The following MGAM variants were observed in gnomAD, a reference collection of about 807,000 sequenced individuals.
MGAM encodes the protein maltase-glucoamylase.
In MGAM, 253 loss-of-function variants were observed where a neutral mutation model predicts 358.8. That is an observed-to-expected ratio of 0.71 (90% confidence interval 0.64 to 0.78). The LOEUF is 0.78. Among genes scored for constraint, MGAM ranks in the 30% least tolerant of loss-of-function variants. The pLI is 0.00. For synonymous variants in MGAM, 1,105 were observed against 1,227.1 expected, an observed-to-expected ratio of 0.90 and a Z score of 2.08; for missense variants, 3,080 against 3,432.6, an observed-to-expected ratio of 0.90 and a Z score of 2.57.
chr7:141,989,444 C>A (rs988313893), intron 2 of MGAM, among the ~76,000 whole-genome samples: 1 of 152,074 alleles, frequency 6.6e-6, no homozygotes, highest in Non-Finnish European at 1.5e-5. Flanking sequence ...GATAAGGCAA[C>A]TGAGCTTCAG....
At chr7:142,011,318 G>T (rs1414201003) in intron 3 of MGAM, among the ~76,000 whole-genome samples, 2 of 152,120 alleles carry the variant, frequency 1.3e-5, no homozygotes, top group African/African-American at 4.8e-5. Flanking sequence ...ATATGTTGGG[G>T]ATCATGTTTT....
intron 66 of MGAM, 73 bp downstream of exon 66, chr7:142,097,722 T>G: frequency 6.8e-7 from 1 of 1,462,448 alleles, no homozygotes. Flanking sequence ...CTGATAGACC[T>G]TAGGTCAAAT....
intron 7 of MGAM, among the ~76,000 whole-genome samples, chr7:142,023,054 T>C (rs1806610744): frequency 6.6e-6 from 1 of 152,148 alleles, no homozygotes; most frequent in South Asian, 2.1e-4. Flanking sequence ...GGCCTTTCTT[T>C]TTCTTTTCTT....
intron 8 of MGAM, 107 bp from the exon 9 acceptor site, chr7:142,027,008 C>T (rs375274541): frequency 2.4e-6 from 2 of 842,540 alleles, no homozygotes; most frequent in South Asian, 1.6e-5. Context: ...ACTAGGGTCA[C>T]CTTGTTAATG....
intron 1 of MGAM, among the ~76,000 whole-genome samples, chr7:141,997,208 G>A (rs1225321288): frequency 6.6e-6 from 1 of 152,184 alleles, no homozygotes; most frequent in Non-Finnish European, 1.5e-5. Flanking sequence ...GATCTGATCA[G>A]TGGCTTTGCT....
rs369037625 is a variant in MGAM at position 142,065,334 on chromosome 7, G to A, written c.4485-1G>A. ...TTCACCTCCTGTTCCCTTCCAAGCA[G>A]AGCCGTGCAGGAGGTGACGGGACAG... is the stretch of plus-strand genomic sequence containing the variant. On this transcript the variant is annotated splice_acceptor_variant, in intron 37 of 70. Transcript: ENST00000475668. LOFTEE classifies it high-confidence loss of function. 10 of 1,608,074 alleles carry A rather than the reference G, an allele frequency of 6.2e-6. No individual in the cohort carries two copies. The African/African-American group carries it at 1.2e-4, about 19-fold the overall frequency.
chr7:142,086,293 A>T lies in MGAM; in HGVS notation c.6712A>T (p.Lys2238Ter), dbSNP rs761186074. The T allele has an allele frequency of 1.3e-6, 2 of 1,541,002 alleles. No individual in the cohort carries two copies. Among genetic ancestry groups the T allele is most frequent in the Admixed American group, 1.8e-5 (1 of 56,772 alleles). ...TRGVEDDVFI[K>*]YPNDGDIVWG... The stretch of plus-strand genomic sequence containing the variant: ...GGGCGTGGAGGATGACGTCTTCATC[A>T]AGTACCCAAATGATGGAGACATTGT... The change falls in exon 56 of 71, where the codon AAG becomes TAG. Residue 2238 changes from lysine (K) to a stop codon, truncating the protein, a stop_gained. Transcript: ENST00000475668. LOFTEE classifies it high-confidence loss of function.
chr7:142,093,055 G>A lies in MGAM; in HGVS notation c.7034-357G>A, dbSNP rs184009639. 2.9e-4 allele frequency among the ~76,000 whole-genome samples: 43 copies of A among 146,414 alleles called. 3 individuals are homozygous for A. The highest frequency in any genetic ancestry group is 9.7e-4 in the African/African-American group (40 of 41,178). On this transcript the variant is annotated intron_variant, in intron 59 of 70. Transcript: ENST00000475668. ...TTTTGTGACTTTTCACAGATTATGC[G>A]ATATGTCCAAATCTCAGTCTGCTAA...
Position 142,065,816 on chromosome 7 carries a change from T to G in MGAM, c.4755T>G (p.Asn1585Lys). The change falls in exon 40 of 71, where the codon AAT (asparagine) becomes AAG (lysine). Residue 1585 changes from asparagine to lysine, a missense_variant. Coordinates refer to ENST00000475668, the MANE Select transcript of MGAM (RefSeq NM_001365693.1). Reference protein sequence around the residue: ...GAFYPFSRNHNTIGTRRQDPV... With the variant: ...GAFYPFSRNHKTIGTRRQDPV... ...TTTACCCCTTCTCAAGAAACCACAA[T>G]ACCATTGGGACCAGGGTAGGACAGT... 6.7e-7 allele frequency: 1 copy of G among 1,490,656 alleles called. No homozygotes were observed. The highest frequency in any genetic ancestry group is 9.3e-7 in the Non-Finnish European group (1 of 1,073,364). The allele number at this position is 1,490,656 out of a possible 1,614,324, so 92.3% of individuals were successfully genotyped here. A position where few individuals can be genotyped will look rare whatever the true frequency, so the allele number is the denominator to read the frequency against.
intron 64 of MGAM, chr7:142,096,121 A>G (rs950428389): frequency 4.0e-5 from 25 of 627,170 alleles, no homozygotes; most frequent in Middle Eastern, 4.3e-4. Flanking sequence ...GAGAGAATAC[A>G]TCTACATCCC....
At chr7:142,030,285 A>T (rs988662323) in intron 10 of MGAM, 77 bp from the exon 11 acceptor site, 5 of 1,463,332 alleles carry the variant, frequency 3.4e-6, no homozygotes, top group Admixed American at 3.9e-5. Flanking sequence ...TATCCTGAAT[A>T]ATAACAGTGA....
chr7:142,076,994 T>C (rs188416868), intron 47 of MGAM, among the ~76,000 whole-genome samples, 168 bp downstream of exon 47: 1 of 145,112 alleles, frequency 6.9e-6, no homozygotes, highest in Admixed American at 7.0e-5. Context: ...AAAAATGAGG[T>C]GGCCAGAGCT....
At chr7:142,011,248 C>G (rs1805568121) in intron 3 of MGAM, among the ~76,000 whole-genome samples, 1 of 152,124 alleles carries the variant, frequency 6.6e-6, no homozygotes, top group Admixed American at 6.6e-5. Flanking sequence ...TGGTAATTGT[C>G]TATGTATTAC....
chr7:142,041,744 A>G (rs1808584399), intron 21 of MGAM, among the ~76,000 whole-genome samples: 1 of 148,690 alleles, frequency 6.7e-6, no homozygotes, highest in South Asian at 2.1e-4. Context: ...CCTTTCCAAC[A>G]TTCTTTGCCT....
At chr7:142,102,742 G>A (rs946602544) in intron 69 of MGAM, 63 bp downstream of exon 69, 76 of 1,469,976 alleles carry the variant, frequency 5.2e-5, no homozygotes, top group South Asian at 4.4e-4. Context: ...GCTGAATATC[G>A]TAAGGGCATA....
At chr7:141,995,206 G>A (rs1804138320), upstream of MGAM, among the ~76,000 whole-genome samples, 3 of 149,192 alleles carry the variant, frequency 2.0e-5, no homozygotes, top group Admixed American at 1.3e-4. Flanking sequence ...CCTCTCATAG[G>A]TTTCTTGGCC....
intron 3 of MGAM, among the ~76,000 whole-genome samples, chr7:142,018,142 A>G (rs1806114847): frequency 6.6e-6 from 1 of 152,228 alleles, no homozygotes; most frequent in African/African-American, 2.4e-5. Flanking sequence ...TGGCTTAGCT[A>G]GGTGCCTCTG....
Position 142,064,492 on chromosome 7 carries a change from A to G in MGAM, c.4454A>G (p.Tyr1485Cys), listed in dbSNP as rs367916209. Residue 1485 changes from tyrosine to cysteine, a missense_variant, in exon 37 of 71, where the codon TAT becomes TGT. Coordinates refer to ENST00000475668, the MANE Select transcript of MGAM (RefSeq NM_001365693.1). The part of the protein sequence containing the change: ...LVQHYNVHNL[Y>C]GWSQTRPTYE... ...CAGCACTACAACGTGCACAACCTGT[A>G]TGGGTGGTCCCAGACCAGACCCACA... is the stretch of plus-strand genomic sequence containing the variant. 7.6e-6 allele frequency: 12 copies of G among 1,580,562 alleles called. No individual in the cohort carries two copies. The highest frequency in any genetic ancestry group is 1.8e-5 in the Admixed American group (1 of 54,874).
chr7:142,102,206 G>A (rs1298075982), intron 68 of MGAM, among the ~76,000 whole-genome samples: 2 of 152,082 alleles, frequency 1.3e-5, no homozygotes, highest in African/African-American at 2.4e-5. Flanking sequence ...CACCAGTGTT[G>A]GTGTTTGCAT....
Sources: gnomAD v4.1 joint callset for allele counts (sites outside exome capture counted in the v4.1 genomes callset) on GRCh38, gnomAD v4.1.1 for gene constraint, MANE v1.5 for transcripts, NCBI Gene and HGNC (gene_info 2026-07-23, HGNC 2026-07-21) for gene names.